SMYD3: variants seen among roughly 807,000 people sequenced by gnomAD.
SMYD3 encodes histone-lysine N-methyltransferase SMYD3.
A neutral mutation model predicts 57.7 loss-of-function variants in SMYD3; 36 were observed. The observed-to-expected ratio is 0.62, with a 90% CI of 0.48 to 0.82. The LOEUF is 0.82. Ranked by LOEUF, SMYD3 falls within the 40% of genes least tolerant of loss-of-function variation. SMYD3 has a pLI of 0.00. For missense variants in SMYD3, 515 were observed against 538.8 expected, an observed-to-expected ratio of 0.96 and a Z score of 0.44; for synonymous variants, 211 against 195.0, an observed-to-expected ratio of 1.08 and a Z score of -0.68.
chr1:246,012,728 G>A (rs1043403018), intron 5 of SMYD3, among the ~76,000 whole-genome samples: 5 of 152,182 alleles, frequency 3.3e-5, no homozygotes, highest in African/African-American at 1.2e-4. Context: ...GCAGGGAAAA[G>A]GCAGAAGGAA....
chr1:245,910,698 T>C (rs367628948), intron 8 of SMYD3, among the ~76,000 whole-genome samples: 23 of 152,076 alleles, frequency 1.5e-4, no homozygotes, highest in African/African-American at 5.3e-4. Context: ...ATAGCCCATA[T>C]GCAAAAGAAT....
chr1:246,102,843 C>G (rs570080892), intron 5 of SMYD3, among the ~76,000 whole-genome samples: 1 of 152,228 alleles, frequency 6.6e-6, no homozygotes, highest in South Asian at 2.1e-4. Context: ...TATGATCATA[C>G]AAGTGCACCC....
intron 5 of SMYD3, among the ~76,000 whole-genome samples, chr1:245,941,917 C>G (rs927727789): frequency 6.6e-6 from 1 of 152,162 alleles, no homozygotes; most frequent in African/African-American, 2.4e-5. Context: ...CCTTTTCACA[C>G]AAGCTAATGG....
intron 5 of SMYD3, among the ~76,000 whole-genome samples, chr1:246,114,793 G>A (rs1056243922): frequency 2.0e-5 from 3 of 152,076 alleles, no homozygotes; most frequent in Admixed American, 6.6e-5. Context: ...CACCACGCCC[G>A]GCTCATTTTT....
chr1:246,486,120 G>T (rs1371425930), intron 1 of SMYD3, among the ~76,000 whole-genome samples: 1 of 152,136 alleles, frequency 6.6e-6, no homozygotes, highest in Non-Finnish European at 1.5e-5. Context: ...CTTTATCATA[G>T]ATTATCTCAT....
intron 8 of SMYD3, among the ~76,000 whole-genome samples, chr1:245,897,328 A>G (rs1174876539): frequency 6.6e-6 from 1 of 152,222 alleles, no homozygotes; most frequent in South Asian, 2.1e-4. Context: ...GGGCAGGAGC[A>G]AGAGAGGAAA....
At chr1:246,263,027 G>T (rs140077107) in intron 5 of SMYD3, among the ~76,000 whole-genome samples, 138 of 152,248 alleles carry the variant, frequency 9.1e-4, no homozygotes, top group Admixed American at 2.7e-3. Flanking sequence ...AAGAATGCGT[G>T]ATTTGAATAC....
intron 5 of SMYD3, among the ~76,000 whole-genome samples, chr1:246,156,169 T>G (rs2062021323): frequency 6.6e-6 from 1 of 152,174 alleles, no homozygotes; most frequent in African/African-American, 2.4e-5. Flanking sequence ...AAGACTTCCT[T>G]GGGCCTATGA....
At chr1:246,194,516 T>C (rs1455313795) in intron 5 of SMYD3, among the ~76,000 whole-genome samples, 1 of 152,134 alleles carries the variant, frequency 6.6e-6, no homozygotes, top group Non-Finnish European at 1.5e-5. Flanking sequence ...TTCCGCCTGC[T>C]TAGGCCTCCG....
At chr1:246,183,769 A>C (rs762591447) in intron 5 of SMYD3, among the ~76,000 whole-genome samples, 12 of 152,198 alleles carry the variant, frequency 7.9e-5, no homozygotes, top group Non-Finnish European at 1.5e-4. Context: ...ACAGATGAGA[A>C]AGAAGCTTCT....
chr1:246,186,706 C>T, intron 5 of SMYD3: 1 of 971,904 alleles, frequency 1.0e-6, no homozygotes, highest in Non-Finnish European at 1.2e-6. Context: ...TCAATGTCCA[C>T]AGCACTTCTC....
intron 5 of SMYD3, among the ~76,000 whole-genome samples, chr1:245,965,129 GT>G (rs1388133159): frequency 1.3e-5 from 2 of 152,096 alleles, no homozygotes; most frequent in Non-Finnish European, 2.9e-5. Context: ...AAAAACTTTT[GT>G]TTTCTTATTC....
At chr1:245,949,097 G>A (rs1209339387) in intron 5 of SMYD3, among the ~76,000 whole-genome samples, 1 of 152,186 alleles carries the variant, frequency 6.6e-6, no homozygotes, top group Admixed American at 6.5e-5. Flanking sequence ...GGCCACTTGG[G>A]AGCCAGGGGA....
intron 5 of SMYD3, among the ~76,000 whole-genome samples, chr1:246,148,065 G>T (rs920418603): frequency 1.3e-5 from 2 of 151,746 alleles, no homozygotes; most frequent in African/African-American, 2.4e-5. Flanking sequence ...GGCAGTCCCC[G>T]TAAGGCCCCT....
intron 8 of SMYD3, among the ~76,000 whole-genome samples, chr1:245,885,334 A>G (rs1304956602): frequency 6.6e-6 from 1 of 152,208 alleles, no homozygotes; most frequent in Non-Finnish European, 1.5e-5. Context: ...AATTCCGGAC[A>G]CACCACCATG....
chr1:246,029,963 ATAG>A (rs2059641984), intron 5 of SMYD3, among the ~76,000 whole-genome samples: 1 of 151,448 alleles, frequency 6.6e-6, no homozygotes, highest in Non-Finnish European at 1.5e-5. Flanking sequence ...GAGAACTACC[ATAG>A]GATCCAGCAA....
At chr1:245,844,972 C>T (rs2050590731) in intron 10 of SMYD3, among the ~76,000 whole-genome samples, 1 of 152,124 alleles carries the variant, frequency 6.6e-6, no homozygotes, top group African/African-American at 2.4e-5. Flanking sequence ...AAAATTTCTC[C>T]AGCCTATTAT....
chr1:246,479,843 TG>T (rs1329304541), intron 1 of SMYD3, among the ~76,000 whole-genome samples: 2 of 152,172 alleles, frequency 1.3e-5, no homozygotes, highest in Non-Finnish European at 2.9e-5. Context: ...GGTTCTCTGC[TG>T]TATCTTCAGT....
chr1:246,436,720 T>C lies in SMYD3; in HGVS notation c.164+70334A>G, dbSNP rs577612476. On this transcript the variant is annotated intron_variant, in intron 1 of 11. Transcript: ENST00000490107. ...TGCTTCGTTAGTCTCCTCCAATCTG[T>C]GACCCAACATGCTCCCGCCCCCAAG... 7.9e-5 allele frequency among the ~76,000 whole-genome samples: 12 copies of C among 152,336 alleles called. No individual in the cohort carries two copies. The South Asian group carries it at 2.3e-3, about 29-fold the overall frequency.
Sources: allele counts gnomAD v4.1 joint callset (sites outside exome capture counted in the v4.1 genomes callset), GRCh38; gene constraint gnomAD v4.1.1; transcripts MANE v1.5; gene names NCBI Gene and HGNC (gene_info 2026-07-23, HGNC 2026-07-21).